DLGAP2: variants seen among roughly 807,000 people sequenced by gnomAD.
DLGAP2 encodes the protein disks large-associated protein 2.
A neutral mutation model predicts 100.3 loss-of-function variants in DLGAP2; 26 were observed. The ratio of observed to expected loss-of-function variants is 0.26; its 90% confidence interval spans 0.19 to 0.36. The LOEUF (loss-of-function observed/expected upper bound fraction) is 0.36, where lower values mean the gene tolerates loss of function less well. Ranked by LOEUF, DLGAP2 falls within the 10% of genes least tolerant of loss-of-function variation. DLGAP2 has a pLI of 1.00. For missense variants in DLGAP2, 1,858 were observed against 1,453.2 expected, an observed-to-expected ratio of 1.28 and a Z score of -4.53; for synonymous variants, 886 against 630.1, an observed-to-expected ratio of 1.41 and a Z score of -6.08.
intron 3 of DLGAP2, among the ~76,000 whole-genome samples, chr8:1,295,763 G>A (rs1800158792): frequency 6.6e-6 from 1 of 152,194 alleles, no homozygotes; most frequent in South Asian, 2.1e-4. Context: ...GGAGCTGTGG[G>A]GTGTGTCCCA....
intron 2 of DLGAP2, among the ~76,000 whole-genome samples, chr8:1,190,321 C>T (rs1162464111): frequency 6.6e-6 from 1 of 152,188 alleles, no homozygotes; most frequent in African/African-American, 2.4e-5. Context: ...TTTCACGTGG[C>T]TCGGTGAAAT....
At chr8:1,497,509 C>T (rs1799582776) in intron 3 of DLGAP2, among the ~76,000 whole-genome samples, 1 of 152,310 alleles carries the variant, frequency 6.6e-6, no homozygotes, top group Non-Finnish European at 1.5e-5. Context: ...TGGTTCTCCT[C>T]CCTTATACGA....
In DLGAP2 at chr8:1,706,384, AGT is replaced by A. The variant is rs926468341; in HGVS notation, c.*4982_*4983del. 36 of 152,330 alleles carry A rather than the reference AGT, an allele frequency of 2.4e-4. 1 individual carries two copies. The highest frequency in any genetic ancestry group is 8.7e-4 in the African/African-American group (36 of 41,564). 9.4% of individuals were successfully genotyped at this position (152,330 alleles called of 1,614,324 possible). ...TGAGCTCCTGGGAACAGGTGGTGAA[AGT>A]GTGCGTTACTGCTAAGGATTAGTCC... On this transcript the variant is annotated 3_prime_UTR_variant, in exon 15 of 15. Coordinates refer to ENST00000637795, the MANE Select transcript of DLGAP2 (RefSeq NM_001346810.2).
chr8:1,635,662 A>T (rs200560581), intron 8 of DLGAP2, among the ~76,000 whole-genome samples: 2 of 152,208 alleles, frequency 1.3e-5, no homozygotes, highest in African/African-American at 4.8e-5. Context: ...ATTTAAACAC[A>T]TTACTTTATG....
At chr8:987,876 A>C (rs1357195666) in intron 2 of DLGAP2, among the ~76,000 whole-genome samples, 1 of 151,960 alleles carries the variant, frequency 6.6e-6, no homozygotes, top group Non-Finnish European at 1.5e-5. Flanking sequence ...TTAATTTCCA[A>C]CTCACCTAGG....
intron 3 of DLGAP2, among the ~76,000 whole-genome samples, chr8:1,341,062 A>G (rs998232463): frequency 1.3e-5 from 2 of 152,106 alleles, no homozygotes; most frequent in Non-Finnish European, 2.9e-5. Flanking sequence ...GAGGGGAACA[A>G]CACACACTGG....
At chr8:1,462,149 T>C (rs1274617617) in intron 3 of DLGAP2, among the ~76,000 whole-genome samples, 5 of 31,890 alleles carry the variant, frequency 1.6e-4, no homozygotes, top group Non-Finnish European at 5.2e-5. Flanking sequence ...GGGTGGCATT[T>C]GGGTTGGGAG....
At chr8:1,041,915 C>T (rs1035816212) in intron 2 of DLGAP2, among the ~76,000 whole-genome samples, 2 of 152,238 alleles carry the variant, frequency 1.3e-5, no homozygotes, top group Non-Finnish European at 2.9e-5. Flanking sequence ...CCATCAGTGC[C>T]TGCTCTTCTC....
rs140455998 is a variant in DLGAP2 at position 1,444,417 on chromosome 8, G to C, written c.107-56949G>C. Among the ~76,000 whole-genome samples, 174 of 152,318 alleles carry C rather than the reference G, an allele frequency of 1.1e-3. 1 individual carries two copies. The highest frequency in any genetic ancestry group is 3.9e-3 in the African/African-American group (163 of 41,572). On this transcript the variant is annotated intron_variant, in intron 3 of 14. Transcript: ENST00000637795. ...TGGCTTTCTTCATTTCTGGAGGTCA[G>C]TGTCTACAATATTTCCATATTTAAG...
intron 2 of DLGAP2, among the ~76,000 whole-genome samples, chr8:1,051,302 C>G (rs1427797889): frequency 6.6e-6 from 1 of 152,122 alleles, no homozygotes; most frequent in Non-Finnish European, 1.5e-5. Context: ...GCAGCACTCA[C>G]CTGGGAGGGG....
chr8:1,040,752 T>C (rs924502057), intron 2 of DLGAP2, among the ~76,000 whole-genome samples: 1 of 152,050 alleles, frequency 6.6e-6, no homozygotes, highest in African/African-American at 2.4e-5. Flanking sequence ...AAGAGGTGCA[T>C]ATGAGGGGAC....
Position 1,213,032 on chromosome 8 carries a change from A to G in DLGAP2, c.74-45819A>G, listed in dbSNP as rs79415804. Among the ~76,000 whole-genome samples the G allele has an allele frequency of 7.6e-3, 1,162 of 152,192 alleles. 9 individuals are homozygous for G. Among genetic ancestry groups the G allele is most frequent in the African/African-American group, 0.027 (1,127 of 41,514 alleles). On this transcript the variant is annotated intron_variant, in intron 2 of 14. Transcript: ENST00000637795. ...CTTGTTAAATTCTGTAATTTGTCTC[A>G]TGATGAGAATTTGGGAGGCCACAGA...
intron 1 of DLGAP2, among the ~76,000 whole-genome samples, chr8:752,056 G>A (rs1423853894): frequency 6.6e-6 from 1 of 152,222 alleles, no homozygotes; most frequent in Non-Finnish European, 1.5e-5. Flanking sequence ...GGGCTCTGGT[G>A]TGGCCCAGGT....
At chr8:1,009,231 C>T (rs1801208711) in intron 2 of DLGAP2, among the ~76,000 whole-genome samples, 1 of 152,212 alleles carries the variant, frequency 6.6e-6, no homozygotes, top group African/African-American at 2.4e-5. Flanking sequence ...TCTCCTTCCT[C>T]CCCTCCTTCA....
At chr8:1,328,953 G>A (rs745613286) in intron 3 of DLGAP2, among the ~76,000 whole-genome samples, 1 of 152,242 alleles carries the variant, frequency 6.6e-6, no homozygotes, top group Non-Finnish European at 1.5e-5. Flanking sequence ...AACACTCTGA[G>A]TAGCTGTGTT....
chr8:1,511,300 C>T (rs559928755), intron 4 of DLGAP2, among the ~76,000 whole-genome samples: 118 of 149,804 alleles, frequency 7.9e-4, no homozygotes, highest in Middle Eastern at 3.6e-3. Flanking sequence ...CTACCATGGA[C>T]GTAAGGGCTG....
At chr8:1,293,538 G>A (rs1800105946) in intron 3 of DLGAP2, among the ~76,000 whole-genome samples, 1 of 152,150 alleles carries the variant, frequency 6.6e-6, no homozygotes. Context: ...TTTGGGCCTG[G>A]AATTTTTCGT....
In DLGAP2 at chr8:799,714, C is replaced by T. The variant is rs143346086; in HGVS notation, c.18+61889C>T. ...TAGGCTCAAGTCATCTTCCCACATC[C>T]GTCTCTTGAGTAGCTGGGACCATGG... On this transcript the variant is annotated intron_variant, in intron 1 of 14. Transcript: ENST00000637795. Among the ~76,000 whole-genome samples the T allele has an allele frequency of 7.2e-3, 1,099 of 152,244 alleles. 9 individuals carry two copies. The highest frequency in any genetic ancestry group is 0.024 in the African/African-American group (1,013 of 41,544).
chr8:1,512,366 G>C (rs1356097285), intron 4 of DLGAP2, among the ~76,000 whole-genome samples: 1 of 152,186 alleles, frequency 6.6e-6, no homozygotes, highest in African/African-American at 2.4e-5. Flanking sequence ...GAAATCGCCA[G>C]CTAGTGATCA....
Sources: gnomAD v4.1 joint callset for allele counts (sites outside exome capture counted in the v4.1 genomes callset) on GRCh38, gnomAD v4.1.1 for gene constraint, MANE v1.5 for transcripts, NCBI Gene and HGNC (gene_info 2026-07-23, HGNC 2026-07-21) for gene names.